CREB5: variants seen among roughly 807,000 people sequenced by gnomAD.
The protein encoded by CREB5 is cyclic AMP-responsive element-binding protein 5.
Under a neutral mutation model 57.1 loss-of-function variants are expected in CREB5, and 19 were observed. The ratio of observed to expected loss-of-function variants is 0.33; its 90% CI spans 0.23 to 0.49. CREB5 has a LOEUF of 0.49. Among genes scored for constraint, CREB5 ranks in the 20% least tolerant of loss-of-function variants. The pLI is 0.99. For synonymous variants in CREB5, 238 were observed against 238.3 expected (o/e 1.00, Z 0.01); for missense variants, 579 against 671.6 (o/e 0.86, Z 1.52).
At chr7:28,687,516 T>A (rs1203415283) in intron 5 of CREB5, among the ~76,000 whole-genome samples, 3 of 148,692 alleles carry the variant, frequency 2.0e-5, no homozygotes, top group Non-Finnish European at 4.4e-5. Flanking sequence ...GCTGCCTGAG[T>A]TGGGTGCTTT....
chr7:28,552,570 T>C (rs1244245249), intron 4 of CREB5, among the ~76,000 whole-genome samples: 1 of 152,140 alleles, frequency 6.6e-6, no homozygotes, highest in Non-Finnish European at 1.5e-5. Flanking sequence ...TAGCAACTCA[T>C]CTGTCTCCTG....
chr7:28,560,913 T>TGTGCGTGC (rs1211404751), intron 4 of CREB5, among the ~76,000 whole-genome samples: 2 of 21,952 alleles, frequency 9.1e-5, no homozygotes, highest in African/African-American at 3.4e-4. Context: ...CGCGTGCGTG[T>TGTGCGTGC]GCGTGTGTGC....
At chr7:28,363,752 TG>T (rs1182999683) in intron 1 of CREB5, among the ~76,000 whole-genome samples, 1 of 152,212 alleles carries the variant, frequency 6.6e-6, no homozygotes, top group African/African-American at 2.4e-5. Flanking sequence ...GCTCGAATCT[TG>T]GCTTCCCATT....
chr7:28,729,892 C>T lies in CREB5; in HGVS notation c.702+5560C>T, dbSNP rs143060050. ...ATGATGGGCTGAAGTAAGATGACCA[C>T]GTTTCTCAGAATGCTCCTCCCTCAT... On this transcript the variant is annotated intron_variant, in intron 7 of 10. Coordinates refer to ENST00000357727, the MANE Select transcript of CREB5 (RefSeq NM_182898.4). 7.9e-5 allele frequency among the ~76,000 whole-genome samples: 12 copies of T among 152,296 alleles called. No individual in the cohort carries two copies. In the East Asian group the frequency reaches 2.1e-3, roughly 27 times the overall value.
chr7:28,318,025 A>T (rs1169708037), intron 1 of CREB5, among the ~76,000 whole-genome samples: 2 of 152,210 alleles, frequency 1.3e-5, no homozygotes, highest in Non-Finnish European at 2.9e-5. Flanking sequence ...AGTAATACCA[A>T]AACAATATTC....
At chr7:28,647,104 A>AGGCTG (rs1798918582) in intron 5 of CREB5, among the ~76,000 whole-genome samples, 3 of 151,872 alleles carry the variant, frequency 2.0e-5, no homozygotes, top group African/African-American at 7.2e-5. Context: ...AATTAGCCAG[A>AGGCTG]GACTGGAGGG....
chr7:28,523,712 T>C (rs1486315605), intron 4 of CREB5, among the ~76,000 whole-genome samples: 1 of 152,230 alleles, frequency 6.6e-6, no homozygotes, highest in African/African-American at 2.4e-5. Flanking sequence ...GCCCATGCAG[T>C]TATTTCCTCT....
At chr7:28,495,077 C>A in intron 3 of CREB5, 78 bp downstream of exon 3, 3 of 930,684 alleles carry the variant, frequency 3.2e-6, no homozygotes, top group Admixed American at 2.8e-5. Flanking sequence ...TTTTGGTAGG[C>A]GAGTCCCACT....
At chr7:28,515,785 G>A (rs1792915930) in intron 4 of CREB5, among the ~76,000 whole-genome samples, 1 of 151,896 alleles carries the variant, frequency 6.6e-6, no homozygotes, top group African/African-American at 2.4e-5. Flanking sequence ...TTCTAAGAAG[G>A]CTATATGACC....
chr7:28,423,840 G>A (rs1027461391), intron 1 of CREB5, among the ~76,000 whole-genome samples: 3 of 152,188 alleles, frequency 2.0e-5, no homozygotes, highest in Admixed American at 6.5e-5. Flanking sequence ...AGGGAGAAAG[G>A]CACCCCCTCC....
At chr7:28,685,472 T>C (rs1800829471) in intron 5 of CREB5, among the ~76,000 whole-genome samples, 1 of 151,598 alleles carries the variant, frequency 6.6e-6, no homozygotes, top group African/African-American at 2.4e-5. Context: ...CAACAGAAAA[T>C]CCCATCCAGC....
chr7:28,522,762 G>T (rs1322943151), intron 4 of CREB5, among the ~76,000 whole-genome samples: 2 of 152,154 alleles, frequency 1.3e-5, no homozygotes, highest in African/African-American at 4.8e-5. Flanking sequence ...CTCTGGATTT[G>T]CCCACATTCT....
At chr7:28,818,784 C>T in intron 10 of CREB5, 1 of 480,190 alleles carries the variant, frequency 2.1e-6, no homozygotes, top group Non-Finnish European at 4.1e-6. Flanking sequence ...GATTCTCCCA[C>T]CACATGTGAG....
chr7:28,422,604 G>A (rs1368010666), intron 1 of CREB5, among the ~76,000 whole-genome samples: 1 of 152,158 alleles, frequency 6.6e-6, no homozygotes, highest in Admixed American at 6.5e-5. Flanking sequence ...CAATAATGAT[G>A]CTTAACAATG....
intron 1 of CREB5, among the ~76,000 whole-genome samples, chr7:28,399,903 C>T (rs1223462462): frequency 6.6e-6 from 1 of 151,468 alleles, no homozygotes; most frequent in Non-Finnish European, 1.5e-5. Flanking sequence ...AAAAAAAATA[C>T]AAAAATTAGC....
intron 4 of CREB5, among the ~76,000 whole-genome samples, chr7:28,534,499 G>A (rs1793872597): frequency 6.6e-6 from 1 of 152,158 alleles, no homozygotes; most frequent in Non-Finnish European, 1.5e-5. Flanking sequence ...TGTAATCGTG[G>A]GGCCTCTCAG....
intron 5 of CREB5, among the ~76,000 whole-genome samples, chr7:28,666,639 A>G (rs1213032708): frequency 2.0e-5 from 3 of 152,136 alleles, no homozygotes; most frequent in Non-Finnish European, 2.9e-5. Flanking sequence ...GAGAAAATGG[A>G]TACATTGCAA....
intron 1 of CREB5, among the ~76,000 whole-genome samples, chr7:28,419,645 A>G (rs1788161292): frequency 1.3e-5 from 2 of 152,276 alleles, no homozygotes; most frequent in African/African-American, 4.8e-5. Flanking sequence ...AGTGAGGACC[A>G]GAATGTTAGT....
intron 5 of CREB5, among the ~76,000 whole-genome samples, chr7:28,718,165 T>C (rs1188545005): frequency 2.6e-5 from 4 of 152,238 alleles, no homozygotes; most frequent in Non-Finnish European, 5.9e-5. Context: ...GGACTTGCTC[T>C]GAGAAAGGCC....
Sources: gnomAD v4.1 joint callset for allele counts (sites outside exome capture counted in the v4.1 genomes callset) on GRCh38, gnomAD v4.1.1 for gene constraint, MANE v1.5 for transcripts, NCBI Gene and HGNC (gene_info 2026-07-23, HGNC 2026-07-21) for gene names.